Variants in DCAF6 observed in about 807,000 individuals in gnomAD.
The protein encoded by DCAF6 is DDB1- and CUL4-associated factor 6.
In DCAF6, 54 loss-of-function variants were observed where a neutral mutation model predicts 125.1. The ratio of observed to expected loss-of-function variants is 0.43; its 90% CI spans 0.35 to 0.54. The LOEUF is 0.54. DCAF6 is among the 20% of genes least tolerant of loss of function. The probability of loss-of-function intolerance (pLI) is 0.01; values close to 1 mark genes in which losing one functional copy is unlikely to be tolerated. For synonymous variants in DCAF6, 371 were observed against 390.4 expected (o/e 0.95, Z 0.58); for missense variants, 934 against 1,161.7 (o/e 0.80, Z 2.85).
At position 168,016,513 on chromosome 1, in the gene DCAF6, C is replaced by T. The variant is rs545324309; in HGVS notation, c.1549+562C>T. Reference sequence around the variant, plus strand: ...GTAATCAACTTTCTGATGTGTAGGGCAGCAAAAGTACTCCACAGTCTCATG... The same window carrying T: ...GTAATCAACTTTCTGATGTGTAGGGTAGCAAAAGTACTCCACAGTCTCATG... On this transcript the variant is annotated intron_variant, in intron 11 of 21. Transcript: ENST00000367840. Among the ~76,000 whole-genome samples the T allele has an allele frequency of 2.6e-5, 4 of 152,222 alleles. No individual in the cohort carries two copies. The East Asian group carries it at 7.7e-4, about 29-fold the overall frequency.
At chr1:168,027,152 T>C (rs181579812) in intron 12 of DCAF6, among the ~76,000 whole-genome samples, 7 of 152,210 alleles carry the variant, frequency 4.6e-5, no homozygotes, top group African/African-American at 9.6e-5. Context: ...GTTTGAGATA[T>C]GATGTAGTGG....
At chr1:167,939,646 T>G (rs1671924067) in intron 1 of DCAF6, among the ~76,000 whole-genome samples, 1 of 152,008 alleles carries the variant, frequency 6.6e-6, no homozygotes, top group African/African-American at 2.4e-5. Context: ...GCCTGTAGTC[T>G]CAGCTCCTTG....
At chr1:167,989,318 A>G (rs1456340527) in intron 5 of DCAF6, among the ~76,000 whole-genome samples, 1 of 152,186 alleles carries the variant, frequency 6.6e-6, no homozygotes, top group Non-Finnish European at 1.5e-5. Flanking sequence ...GTGTAGTAAG[A>G]TTTAGTTGTG....
intron 2 of DCAF6, among the ~76,000 whole-genome samples, chr1:167,961,943 C>G (rs1401646870): frequency 6.6e-6 from 1 of 152,106 alleles, no homozygotes; most frequent in South Asian, 2.1e-4. Flanking sequence ...TAAAATTTCT[C>G]TTGAGATTTC....
the DCAF6 span, chr1:167,883,733 A>ACCCATTCTGAG: frequency 9.9e-7 from 1 of 1,007,304 alleles, no homozygotes; most frequent in Non-Finnish European, 1.6e-6. Flanking sequence ...TGTCTACCTC[A>ACCCATTCTGAG]GAATGGGTGA....
intron 2 of DCAF6, among the ~76,000 whole-genome samples, chr1:167,955,852 C>T (rs1259871095): frequency 6.6e-6 from 1 of 152,154 alleles, no homozygotes; most frequent in Non-Finnish European, 1.5e-5. Flanking sequence ...CCTCGACCTC[C>T]TGGGCTCAAG....
chr1:167,946,256 A>C (rs1477163822), intron 1 of DCAF6, among the ~76,000 whole-genome samples: 1 of 152,108 alleles, frequency 6.6e-6, no homozygotes, highest in South Asian at 2.1e-4. Context: ...GCGCCTGGCA[A>C]ATCTAAGAGT....
the DCAF6 span, among the ~76,000 whole-genome samples, chr1:167,888,925 T>A: frequency 3.3e-5 from 5 of 151,672 alleles, no homozygotes; most frequent in Non-Finnish European, 7.4e-5. Flanking sequence ...GATTTTTGTA[T>A]GATGATTTTG....
At chr1:167,872,556 A>G in the DCAF6 span, among the ~76,000 whole-genome samples, 1,313 of 152,046 alleles carry the variant, frequency 8.6e-3, 7 homozygotes, top group Admixed American at 0.015. Flanking sequence ...TGTTGTATGC[A>G]GTTTTTACCC....
upstream of DCAF6, among the ~76,000 whole-genome samples, chr1:167,931,979 C>T (rs1415950477): frequency 1.3e-5 from 2 of 152,158 alleles, no homozygotes; most frequent in African/African-American, 4.8e-5. Flanking sequence ...TCAGAGGGAA[C>T]CCATGTAATG....
chr1:168,042,836 GAGTAA>G (rs1476559642), intron 13 of DCAF6, 184 bp from the exon 14 acceptor site: 1 of 459,428 alleles, frequency 2.2e-6, no homozygotes, highest in Non-Finnish European at 3.9e-6. Flanking sequence ...TTTTTTTCAA[GAGTAA>G]AGTGTGTTAT....
the DCAF6 span, among the ~76,000 whole-genome samples, chr1:167,928,645 C>A: frequency 6.6e-6 from 1 of 152,190 alleles, no homozygotes; most frequent in African/African-American, 2.4e-5. Flanking sequence ...AATACAATGT[C>A]ACATGTGTCA....
At chr1:167,991,416 AT>A (rs2103009080) in intron 6 of DCAF6, 77 bp downstream of exon 6, 1 of 1,386,906 alleles carries the variant, frequency 7.2e-7, no homozygotes, top group Non-Finnish European at 9.5e-7. Context: ...CAGTTTTAAA[AT>A]TTCTTGTTTG....
In DCAF6 at chr1:168,038,425, G is replaced by A. The variant is rs1688105926; in HGVS notation, c.1664G>A (p.Ser555Asn). 1 of 1,612,360 alleles carries A rather than the reference G, an allele frequency of 6.2e-7. No individual in the cohort carries two copies. Among genetic ancestry groups the A allele is most frequent in the Admixed American group, 1.7e-5 (1 of 59,746 alleles). The change falls in exon 13 of 22, where the codon AGT (serine) becomes AAT (asparagine). Residue 555 changes from serine to asparagine, a missense_variant. This residue lies in a region of DCAF6 where 559 missense variants were observed against 635.5 expected (regional missense o/e 0.88). Transcript: ENST00000367840. ...CCAGGGACAGGTGAACCAGTTTTAA[G>A]TTTGCACTACAGCACAGAAGGAACA... ...PKPGTGEPVL[S>N]LHYSTEGTTT...
chr1:168,043,165 G>A lies in DCAF6; in HGVS notation c.1843+25G>A, dbSNP rs577982450. 19 of 1,550,646 alleles carry A rather than the reference G, an allele frequency of 1.2e-5. No individual in the cohort carries two copies. The South Asian group carries it at 1.8e-4, about 15-fold the overall frequency. ...AGTAAGGTGTTATTTTGCTTTTGTT[G>A]TTATAAAATTGCAGCATTGGATGTT... On this transcript the variant is annotated intron_variant, in intron 14 of 21. Transcript: ENST00000367840.
chr1:167,988,804 G>C (rs914096901), intron 5 of DCAF6, among the ~76,000 whole-genome samples: 1 of 152,110 alleles, frequency 6.6e-6, no homozygotes, highest in South Asian at 2.1e-4. Flanking sequence ...CTTTAGGCTG[G>C]GTGCGGTGGC....
At chr1:167,889,928 G>A in the DCAF6 span, among the ~76,000 whole-genome samples, 1 of 152,002 alleles carries the variant, frequency 6.6e-6, no homozygotes, top group East Asian at 1.9e-4. Flanking sequence ...TTTCTCTTCT[G>A]TTCTTAGTTA....
chr1:167,899,325 A>G, the DCAF6 span: 1 of 1,221,954 alleles, frequency 8.2e-7, no homozygotes, highest in Non-Finnish European at 1.2e-6. Flanking sequence ...TCTCCAGCCC[A>G]GGAGCTTTAT....
In DCAF6 at chr1:168,015,870, C is replaced by G; in HGVS notation, c.1468C>G (p.Leu490Val). 1.9e-6 allele frequency: 3 copies of G among 1,544,816 alleles called. No individual in the cohort carries two copies. The highest frequency in any genetic ancestry group is 2.6e-6 in the Non-Finnish European group (3 of 1,144,122). The change falls in exon 11 of 22, where the codon CTA becomes GTA. Residue 490 changes from leucine to valine, a missense_variant. Physicochemically the swap from Leu to Val is conservative, Grantham distance 32. Transcript: ENST00000367840. ...GGCTGAGCAGCAGAGGCAGCAAGAG[C>G]TAGCTGCACATACCCAGCAACAGCC... is the stretch of plus-strand genomic sequence containing the variant. ...KKAEQQRQQELAAHTQQQPST... is the reference protein window; with the variant it reads ...KKAEQQRQQEVAAHTQQQPST...
Sources: gnomAD v4.1 joint callset for allele counts (sites outside exome capture counted in the v4.1 genomes callset) on GRCh38, gnomAD v4.1.1 for gene constraint, gnomAD v4.1.1 regional missense constraint, MANE v1.5 for transcripts, NCBI Gene and HGNC (gene_info 2026-07-23, HGNC 2026-07-21) for gene names.